SLC38A4: variants seen among roughly 807,000 people sequenced by gnomAD.
The protein encoded by SLC38A4 is sodium-coupled neutral amino acid transporter 4.
SLC38A4 carries 20 observed loss-of-function variants against 63.1 expected under a neutral mutation model. The ratio of observed to expected loss-of-function variants is 0.32; its 90% CI spans 0.22 to 0.46. The LOEUF is 0.46. SLC38A4 is among the 20% of genes least tolerant of loss of function. The pLI, the probability that SLC38A4 is intolerant of heterozygous loss-of-function variation, is 1.00. For synonymous variants in SLC38A4, 230 were observed against 225.5 expected, an observed-to-expected ratio of 1.02 and a Z score of -0.18; for missense variants, 526 against 663.6, an observed-to-expected ratio of 0.79 and a Z score of 2.28.
At chr12:46,774,870 T>G (rs1938490970) in intron 14 of SLC38A4, among the ~76,000 whole-genome samples, 179 bp downstream of exon 14, 1 of 151,424 alleles carries the variant, frequency 6.6e-6, no homozygotes, top group Admixed American at 6.6e-5. Flanking sequence ...CTGAAACTAC[T>G]TGCTCTATCT....
intron 1 of SLC38A4, among the ~76,000 whole-genome samples, chr12:46,810,087 T>C (rs1431593484): frequency 6.6e-6 from 1 of 152,032 alleles, no homozygotes; most frequent in East Asian, 1.9e-4. Flanking sequence ...ATGTTCCTTC[T>C]TATCCTCAGA....
chr12:46,773,350 G>C (rs1268309783), intron 14 of SLC38A4, among the ~76,000 whole-genome samples: 1 of 152,106 alleles, frequency 6.6e-6, no homozygotes, highest in Non-Finnish European at 1.5e-5. Flanking sequence ...AGGGACTTAT[G>C]ACTCTGTGGG....
intron 1 of SLC38A4, among the ~76,000 whole-genome samples, chr12:46,810,577 A>G (rs1039596787): frequency 1.3e-5 from 2 of 151,494 alleles, no homozygotes; most frequent in Non-Finnish European, 2.9e-5. Flanking sequence ...TAAAAATTAT[A>G]TACATAACAT....
intron 2 of SLC38A4, among the ~76,000 whole-genome samples, chr12:46,799,628 GGA>G (rs1939089704): frequency 6.6e-6 from 1 of 152,056 alleles, no homozygotes; most frequent in African/African-American, 2.4e-5. Flanking sequence ...CTTGGCCAAG[GGA>G]GCTCTCACAA....
At chr12:46,781,267 G>T (rs774954758) in intron 7 of SLC38A4, among the ~76,000 whole-genome samples, 2 of 152,108 alleles carry the variant, frequency 1.3e-5, no homozygotes, top group Admixed American at 1.3e-4. Flanking sequence ...TGCTTCTTCT[G>T]TACTGTCAAA....
intron 7 of SLC38A4, among the ~76,000 whole-genome samples, chr12:46,782,373 C>T (rs1301975009): frequency 6.6e-6 from 1 of 151,752 alleles, no homozygotes; most frequent in African/African-American, 2.4e-5. Context: ...TAATGGAAAC[C>T]TCAAAAATCA....
At chr12:46,777,965 A>G (rs991545888) in intron 12 of SLC38A4, among the ~76,000 whole-genome samples, 3 of 151,980 alleles carry the variant, frequency 2.0e-5, no homozygotes, top group Non-Finnish European at 4.4e-5. Flanking sequence ...TTTCTAGTCC[A>G]GCTGACATCG....
Position 46,778,733 on chromosome 12 carries a change from A to C in SLC38A4, c.761T>G (p.Leu254Trp), listed in dbSNP as rs1364835109. Residue 254 changes from leucine (L) to tryptophan (W), a missense_variant, in exon 11 of 17, where the codon TTG becomes TGG. Physicochemically the swap from Leu to Trp is moderately conservative, Grantham distance 61. Transcript: ENST00000266579. ...TGACAGATTTCCAACACTGTGATCC[A>C]AAACAGGTAGAGGGCAGGGTATTTG... ...KFQIPCPLPV[L>W]DHSVGNLSFN... 1.2e-6 allele frequency: 2 copies of C among 1,612,842 alleles called. No individual in the cohort carries two copies. The highest frequency in any genetic ancestry group is 1.1e-5 in the South Asian group (1 of 91,044).
At position 46,779,576 on chromosome 12, in the gene SLC38A4, C is replaced by T. The variant is rs767903874; in HGVS notation, c.717+35G>A. 2.6e-6 allele frequency: 4 copies of T among 1,562,504 alleles called. No individual in the cohort carries two copies. The East Asian group carries it at 6.7e-5, about 26-fold the overall frequency. On this transcript the variant is annotated intron_variant, in intron 10 of 16. Transcript: ENST00000266579. ...TTAGGCACAAAAAAACTCATGCTAA[C>T]CAACCTGCAAGGATCATGTCATCAC...
chr12:46,801,695 C>T (rs1939135058), intron 2 of SLC38A4, among the ~76,000 whole-genome samples: 1 of 152,002 alleles, frequency 6.6e-6, no homozygotes, highest in South Asian at 2.1e-4. Flanking sequence ...CACCCTGTAC[C>T]ATAGATAAAT....
intron 1 of SLC38A4, among the ~76,000 whole-genome samples, chr12:46,809,528 G>C (rs1225123122): frequency 1.3e-5 from 2 of 152,042 alleles, no homozygotes; most frequent in African/African-American, 4.8e-5. Context: ...TGTAGTCAGA[G>C]CCCTTCACAG....
chr12:46,817,518 A>G (rs1259611077), intron 1 of SLC38A4, among the ~76,000 whole-genome samples: 1 of 151,836 alleles, frequency 6.6e-6, no homozygotes, highest in African/African-American at 2.4e-5. Flanking sequence ...CTGGTGCACG[A>G]AAACGATATC....
rs34878223 is a variant in SLC38A4, at chr12:46,825,313, T to TTATATATATATATA, written c.-305+576_-305+589dup. Among the ~76,000 whole-genome samples the TTATATATATATATA allele has an allele frequency of 5.5e-3, 769 of 140,464 alleles. 11 individuals carry two copies. Among genetic ancestry groups the TTATATATATATATA allele is most frequent in the African/African-American group, 0.018 (690 of 38,496 alleles). The allele number at this position is 140,464 out of a possible 152,430, so 92.1% of individuals were successfully genotyped here. On this transcript the variant is annotated intron_variant, in intron 1 of 16. Coordinates refer to ENST00000266579, the MANE Select transcript of SLC38A4 (RefSeq NM_018018.5). ...TTATAATTACTTTAATATACAAAGTTTATATATATATATATATTCCTTACA... is the reference window on the plus strand; with the variant it reads ...TTATAATTACTTTAATATACAAAGTTTATATATATATATATATATATATATATATATTCCTTACA...
Position 46,810,566 on chromosome 12 carries a change from AT to A in SLC38A4, c.-304-6773del, listed in dbSNP as rs775135048. On this transcript the variant is annotated intron_variant, in intron 1 of 16. Coordinates refer to ENST00000266579, the MANE Select transcript of SLC38A4 (RefSeq NM_018018.5). ...ATAAAAAATAAATAAATAAAATAAAATAAAAATTATATACATAACATATAAA... is the reference window on the plus strand; with the variant it reads ...ATAAAAAATAAATAAATAAAATAAAAAAAAATTATATACATAACATATAAA... 2.1e-4 allele frequency among the ~76,000 whole-genome samples: 32 copies of A among 151,492 alleles called. 1 individual carries two copies. In the East Asian group the frequency reaches 5.1e-3, roughly 24 times the overall value.
chr12:46,775,910 G>A (rs1397645844), intron 13 of SLC38A4, among the ~76,000 whole-genome samples: 3 of 151,798 alleles, frequency 2.0e-5, no homozygotes, highest in African/African-American at 7.3e-5. Context: ...ACAAAAAGGA[G>A]TGAAAATACC....
intron 14 of SLC38A4, among the ~76,000 whole-genome samples, chr12:46,774,553 T>C (rs927650608): frequency 9.9e-5 from 15 of 152,064 alleles, no homozygotes; most frequent in African/African-American, 3.6e-4. Flanking sequence ...AAAAATTTTT[T>C]TCTGGTATAT....
At chr12:46,774,398 GC>G (rs1165601555) in intron 14 of SLC38A4, among the ~76,000 whole-genome samples, 1 of 152,016 alleles carries the variant, frequency 6.6e-6, no homozygotes, top group African/African-American at 2.4e-5. Flanking sequence ...AACTCACACA[GC>G]CCAAATCTTC....
chr12:46,829,509 G>A (rs144489315), upstream of SLC38A4, among the ~76,000 whole-genome samples: 3 of 151,748 alleles, frequency 2.0e-5, no homozygotes, highest in Admixed American at 6.6e-5. Context: ...AAAAAACAAC[G>A]TCCACAAGCT....
At chr12:46,777,094 C>G in intron 12 of SLC38A4, 90 bp from the exon 13 acceptor site, 1 of 1,036,546 alleles carries the variant, frequency 9.6e-7, no homozygotes, top group South Asian at 1.5e-5. Flanking sequence ...AAAAGTATAT[C>G]TATATTGCTC....
Sources: allele counts gnomAD v4.1 joint callset (sites outside exome capture counted in the v4.1 genomes callset), GRCh38; gene constraint gnomAD v4.1.1; transcripts MANE v1.5; gene names NCBI Gene and HGNC (gene_info 2026-07-23, HGNC 2026-07-21).